The following TNS2 variants were observed in gnomAD, a reference collection of about 807,000 sequenced individuals.
The protein encoded by TNS2 is tensin 2, also known as tensin-2.
A neutral mutation model predicts 155.7 loss-of-function variants in TNS2; 77 were observed. That is an observed-to-expected ratio of 0.49 (90% CI 0.41 to 0.60). The LOEUF (loss-of-function observed/expected upper bound fraction) is 0.60. TNS2 is among the 20% of genes least tolerant of loss of function. The pLI is 0.00. For missense variants in TNS2, 1,703 were observed against 1,868.8 expected, an observed-to-expected ratio of 0.91 and a Z score of 1.64; for synonymous variants, 726 against 763.9, an observed-to-expected ratio of 0.95 and a Z score of 0.82.
In TNS2 at chr12:53,060,487, T is replaced by G. The variant is rs145448651; in HGVS notation, c.2700T>G (p.Ser900Arg). ...GGTCTCCCCGAGATGCCCCATGCAG[T>G]GCTTCGTCAGAGTTGTCTGGTCCCT... Reference protein sequence around the residue: ...LPRSPRDAPCSASSELSGPST... With the variant: ...LPRSPRDAPCRASSELSGPST... The change falls in exon 19 of 29, where the codon AGT becomes AGG. Residue 900 changes from serine to arginine, a missense_variant. Ser to Arg is a moderately radical substitution (Grantham distance 110). Coordinates refer to ENST00000314250, the MANE Select transcript of TNS2 (RefSeq NM_170754.4). The surrounding 1 kb of genome is among the most constrained non-coding windows in gnomAD (Gnocchi z 6.1). 6.2e-7 allele frequency: 1 copy of G among 1,613,782 alleles called. No homozygotes were observed. The highest frequency in any genetic ancestry group is 1.1e-5 in the South Asian group (1 of 91,072).
rs376714677 is a variant in TNS2 at position 53,050,197 on chromosome 12, C to A, written c.12C>A (p.Ser4Arg). The change falls in exon 1 of 29, where the codon AGC becomes AGA. Residue 4 changes from serine to arginine, a missense_variant. Physicochemically the swap from Ser to Arg is moderately radical, Grantham distance 110. Transcript: ENST00000314250. The surrounding 1 kb of genome is among the most constrained non-coding windows in gnomAD (Gnocchi z 4.7). ...GCCAGCCGAACACCATGAAGTCCAGCGGCCCTGTGGAGAGGCTGCTCAGAG... is the reference window on the plus strand; with the variant it reads ...GCCAGCCGAACACCATGAAGTCCAGAGGCCCTGTGGAGAGGCTGCTCAGAG... The part of the protein sequence containing the change: MKS[S>R]GPVERLLRAL... 8.1e-6 allele frequency: 13 copies of A among 1,610,826 alleles called. No individual in the cohort carries two copies. In the South Asian group the frequency reaches 1.1e-4, roughly 14 times the overall value.
rs1176751110 is a variant in TNS2, at chr12:53,062,459, T to A, written c.3745+6T>A. On this transcript the variant is annotated splice_donor_region_variant and intron_variant, in intron 24 of 28. Transcript: ENST00000314250. Reference sequence around the variant, plus strand: ...CCTGCGCATTCCCAGCAAAGGTGAGTGTCTGGTCATCTGTCCTCCCCACCT... The same window carrying A: ...CCTGCGCATTCCCAGCAAAGGTGAGAGTCTGGTCATCTGTCCTCCCCACCT... 2 of 1,613,188 alleles carry A rather than the reference T, an allele frequency of 1.2e-6. No individual in the cohort carries two copies. Among genetic ancestry groups the A allele is most frequent in the African/African-American group, 2.7e-5 (2 of 74,772 alleles).
intron 3 of TNS2, chr12:53,053,107 G>A: frequency 2.4e-6 from 1 of 423,858 alleles, no homozygotes; most frequent in South Asian, 2.1e-5. Flanking sequence ...AAAGAAGCCA[G>A]TGTCCATCCC....
intron 25 of TNS2, 27 bp downstream of exon 25, chr12:53,062,724 C>CCT (rs1277951387): frequency 6.2e-7 from 1 of 1,612,182 alleles, no homozygotes; most frequent in Non-Finnish European, 8.5e-7. Flanking sequence ...CACTCCCCTC[C>CCT]CTCTCCCTGG....
In TNS2 at chr12:53,060,554, A is replaced by G. The variant is rs1172366653; in HGVS notation, c.2767A>G (p.Ser923Gly). The stretch of plus-strand genomic sequence containing the variant: ...CAGCAGTCCAGTCCAGGGCAAGGAA[A>G]GGTATGCAGAGGGGCCGGGGATGCT... ...HTSSPVQGKE[S>G]TRRQDTRSPT... The change falls in exon 19 of 29, where the codon AGC (serine) becomes GGC (glycine). Residue 923 changes from serine to glycine, a missense_variant and splice_region_variant. By Grantham distance (56) the Ser-to-Gly change is moderately conservative. Transcript: ENST00000314250. The surrounding 1 kb of genome is among the most constrained non-coding windows in gnomAD (Gnocchi z 6.1). 6.2e-7 allele frequency: 1 copy of G among 1,612,988 alleles called. No individual in the cohort carries two copies. Among genetic ancestry groups the G allele is most frequent in the African/African-American group, 1.3e-5 (1 of 74,880 alleles).
Position 53,059,677 on chromosome 12 carries a change from T to C in TNS2, c.2036T>C (p.Leu679Pro), listed in dbSNP as rs145266982. Reference protein sequence around the residue: ...RAPGYREVVILEDPGLPALYP... With the variant: ...RAPGYREVVIPEDPGLPALYP... ...CCAGGCTACCGGGAGGTGGTCATCC[T>C]GGAGGACCCTGGGCTGCCTGCCCTA... Residue 679 changes from leucine (L) to proline (P), a missense_variant, in exon 18 of 29, where the codon CTG (leucine) becomes CCG (proline). Transcript: ENST00000314250. This position sits in a 1 kb window ranked among gnomAD's most constrained non-coding sequence, Gnocchi z 4.7. The C allele has an allele frequency of 5.8e-5, 94 of 1,613,068 alleles. No individual in the cohort carries two copies. The highest frequency in any genetic ancestry group is 6.7e-5 in the African/African-American group (5 of 74,912).
Position 53,053,828 on chromosome 12 carries a change from A to G in TNS2, c.300+16A>G. ...AGAGCACCTGGTAAGGTGATGCTGG[A>G]GCAGGAGGGGGAAGCAGGTAGCTTT... On this transcript the variant is annotated intron_variant, in intron 5 of 28. Transcript: ENST00000314250. The G allele has an allele frequency of 1.9e-6, 3 of 1,613,520 alleles. No individual in the cohort carries two copies. Among genetic ancestry groups the G allele is most frequent in the Middle Eastern group, 1.7e-4 (1 of 6,052 alleles).
chr12:53,059,594 A>T lies in TNS2; in HGVS notation c.1953A>T (p.Leu651=), dbSNP rs759621003. The T allele has an allele frequency of 1.6e-5, 25 of 1,610,804 alleles. No individual in the cohort carries two copies. The East Asian group carries it at 4.9e-4, about 32-fold the overall frequency. The change falls in exon 18 of 29, where the codon CTA becomes CTT. Residue 651 remains leucine (L), a synonymous_variant. Transcript: ENST00000314250. The surrounding 1 kb of genome is among the most constrained non-coding windows in gnomAD (Gnocchi z 4.7). The stretch of plus-strand genomic sequence containing the variant: ...TCTGCCGATCGCTGTCAGAGGGGCT[A>T]TACCCCTACCCACCTGAGATGGGGA... ...RRLCRSLSEG[L]YPYPPEMGKP...
rs1451892901 is a variant in TNS2 at position 53,060,550 on chromosome 12, G to T, written c.2763G>T (p.Lys921Asn). ...ACACCAGCAGTCCAGTCCAGGGCAA[G>T]GAAAGGTATGCAGAGGGGCCGGGGA... Reference protein sequence around the residue: ...PLHTSSPVQGKESTRRQDTRS... With the variant: ...PLHTSSPVQGNESTRRQDTRS... Residue 921 changes from lysine to asparagine, a missense_variant, in exon 19 of 29, where the codon AAG becomes AAT. Coordinates refer to ENST00000314250, the MANE Select transcript of TNS2 (RefSeq NM_170754.4). This position sits in a 1 kb window ranked among gnomAD's most constrained non-coding sequence, Gnocchi z 6.1. The T allele has an allele frequency of 6.2e-7, 1 of 1,613,440 alleles. No individual in the cohort carries two copies. Among genetic ancestry groups the T allele is most frequent in the Non-Finnish European group, 8.5e-7 (1 of 1,179,904 alleles).
At position 53,054,329 on chromosome 12, in the gene TNS2, C is replaced by A. The variant is rs1214605346; in HGVS notation, c.410C>A (p.Thr137Lys). ...RRWDLDLTYV[T>K]ERILAAAFPA... ...TGGGACTTAGACCTCACCTACGTGACGGAGCGCATCTTGGCCGCCGCCTTC... is the reference window on the plus strand; with the variant it reads ...TGGGACTTAGACCTCACCTACGTGAAGGAGCGCATCTTGGCCGCCGCCTTC... The change falls in exon 7 of 29, where the codon ACG becomes AAG. Residue 137 changes from threonine (T) to lysine (K), a missense_variant. Coordinates refer to ENST00000314250, the MANE Select transcript of TNS2 (RefSeq NM_170754.4). 1 of 1,613,040 alleles carries A rather than the reference C, an allele frequency of 6.2e-7. No individual in the cohort carries two copies. Among genetic ancestry groups the A allele is most frequent in the Non-Finnish European group, 8.5e-7 (1 of 1,179,908 alleles).
upstream of TNS2, among the ~76,000 whole-genome samples, chr12:53,048,211 C>T (rs564174869): frequency 1.1e-4 from 17 of 152,312 alleles, no homozygotes; most frequent in African/African-American, 3.8e-4. Context: ...GAGGGACTCA[C>T]AGCCACAGTG....
intron 7 of TNS2, among the ~76,000 whole-genome samples, chr12:53,054,697 C>T (rs139301726): frequency 1.9e-4 from 29 of 152,124 alleles, no homozygotes; most frequent in African/African-American, 6.7e-4. Context: ...TTTTTTGAGA[C>T]GGGGTCTCAC....
chr12:53,055,114 T>C, intron 7 of TNS2, 72 bp from the exon 8 acceptor site: 1 of 1,526,928 alleles, frequency 6.5e-7, no homozygotes, highest in Non-Finnish European at 9.1e-7. Flanking sequence ...GATTCTTACT[T>C]AGGATCCACC....
chr12:53,052,489 A>G lies in TNS2; in HGVS notation c.219A>G (p.Ala73=), dbSNP rs1177967057. ...CKVATHRKCE[A]KVTSACQALP... is the part of the protein sequence containing the mutation. The stretch of plus-strand genomic sequence containing the variant: ...TGGCGACGCACAGAAAATGTGAAGC[A>G]AAGGTGGGTATCTGATTCTACCTGA... The change falls in exon 3 of 29, where the codon GCA becomes GCG. Residue 73 remains alanine, a synonymous_variant. Transcript: ENST00000314250. 4 of 1,613,818 alleles carry G rather than the reference A, an allele frequency of 2.5e-6. No homozygotes were observed. The highest frequency in any genetic ancestry group is 3.4e-6 in the Non-Finnish European group (4 of 1,179,900).
upstream of TNS2, among the ~76,000 whole-genome samples, chr12:53,047,516 G>C (rs1565598390): frequency 6.7e-6 from 1 of 149,154 alleles, no homozygotes; most frequent in Admixed American, 6.7e-5. Context: ...GGCTGGGGCC[G>C]GGGGCTCTGG....
chr12:53,057,203 C>T, intron 11 of TNS2, 107 bp downstream of exon 11: 1 of 1,244,224 alleles, frequency 8.0e-7, no homozygotes, highest in East Asian at 2.6e-5. Flanking sequence ...GTGCCAAGCG[C>T]CGTGCCAGGT....
At chr12:53,054,050 C>G (rs777818264) in intron 6 of TNS2, 36 bp downstream of exon 6, 1 of 1,613,546 alleles carries the variant, frequency 6.2e-7, no homozygotes, top group East Asian at 2.2e-5. Context: ...CACGTGACCC[C>G]CTTTCCGCCG....
At chr12:53,049,084 C>T (rs566784350), upstream of TNS2, 3 of 1,298,104 alleles carry the variant, frequency 2.3e-6, no homozygotes, top group East Asian at 5.1e-5. Context: ...CATCCACCTC[C>T]CTCCCTTGAC....
rs146444412 is a variant in TNS2 at position 53,062,624 on chromosome 12, T to C, written c.3750T>C (p.Pro1250=). ...GTCGGTTCTCATTGCCCTCAGATCCTCTGGAAGAGACCCCAGAGGCTCCAG... is the reference window on the plus strand; with the variant it reads ...GTCGGTTCTCATTGCCCTCAGATCCCCTGGAAGAGACCCCAGAGGCTCCAG... ...PCCLRIPSKD[P]LEETPEAPVP... is the part of the protein sequence containing the mutation. Residue 1250 remains proline (P), a synonymous_variant, in exon 25 of 29, where the codon CCT becomes CCC. Transcript: ENST00000314250. 2.4e-5 allele frequency: 38 copies of C among 1,613,876 alleles called. No homozygotes were observed. The highest frequency in any genetic ancestry group is 3.1e-5 in the Non-Finnish European group (36 of 1,179,938).
Sources: gnomAD v4.1 joint callset for allele counts (sites outside exome capture counted in the v4.1 genomes callset) on GRCh38, gnomAD v4.1.1 for gene constraint, Gnocchi (gnomAD v3.1) non-coding constraint, MANE v1.5 for transcripts, NCBI Gene and HGNC (gene_info 2026-07-23, HGNC 2026-07-21) for gene names.